HYDIN: variants seen among roughly 807,000 people sequenced by gnomAD.
The protein encoded by HYDIN is axonemal central pair apparatus protein HYDIN.
A neutral mutation model predicts 403.9 loss-of-function variants in HYDIN; 132 were observed. The observed-to-expected ratio is 0.33, with a 90% CI of 0.28 to 0.38. The LOEUF is 0.38. HYDIN is among the 10% of genes least tolerant of loss of function. The pLI, the probability that HYDIN is intolerant of heterozygous loss-of-function variation, is 1.00. For missense variants in HYDIN, 2,827 were observed against 5,009.5 expected, an observed-to-expected ratio of 0.56 and a Z score of 13.15; for synonymous variants, 1,202 against 1,891.7, an observed-to-expected ratio of 0.64 and a Z score of 9.46.
At chr16:71,227,145 G>A (rs1175562446) in intron 1 of HYDIN, among the ~76,000 whole-genome samples, 3 of 149,638 alleles carry the variant, frequency 2.0e-5, no homozygotes, top group African/African-American at 5.1e-5. Flanking sequence ...ATATATATGT[G>A]TATGTGTGTG....
chr16:71,052,854 AAGAC>A (rs1479425303), intron 18 of HYDIN, among the ~76,000 whole-genome samples: 1 of 147,910 alleles, frequency 6.8e-6, no homozygotes, highest in Non-Finnish European at 1.5e-5. Flanking sequence ...CTGAAAAAAA[AAGAC>A]AGTAAGAAAA....
intron 18 of HYDIN, among the ~76,000 whole-genome samples, chr16:71,041,915 T>C (rs1446041636): frequency 1.3e-5 from 2 of 152,214 alleles, no homozygotes; most frequent in Non-Finnish European, 2.9e-5. Context: ...ATTCCCACTT[T>C]GTTTCTTAGA....
intron 23 of HYDIN, among the ~76,000 whole-genome samples, chr16:71,000,817 G>A (rs1467696842): frequency 1.3e-5 from 2 of 152,106 alleles, no homozygotes; most frequent in Non-Finnish European, 2.9e-5. Flanking sequence ...GATGATGAAG[G>A]CCCTGGGAAG....
intron 18 of HYDIN, among the ~76,000 whole-genome samples, chr16:71,056,137 T>G (rs1263667995): frequency 6.7e-6 from 1 of 150,170 alleles, no homozygotes; most frequent in African/African-American, 2.4e-5. Context: ...GTTTTTTTTT[T>G]TTTTTTTTTT....
chr16:70,888,868 GTTA>G (rs1377184017), intron 58 of HYDIN, among the ~76,000 whole-genome samples: 1 of 152,306 alleles, frequency 6.6e-6, no homozygotes, highest in African/African-American at 2.4e-5. Context: ...TGGTAGAACA[GTTA>G]TTATATAGAA....
intron 5 of HYDIN, 138 bp downstream of exon 5, chr16:71,175,469 A>G: frequency 5.5e-6 from 5 of 912,526 alleles, no homozygotes; most frequent in East Asian, 2.5e-5. Flanking sequence ...CAACAACACA[A>G]ATGTCAATAC....
At chr16:70,910,760 T>TTTTA (rs1417607027) in intron 47 of HYDIN, among the ~76,000 whole-genome samples, 1 of 101,610 alleles carries the variant, frequency 9.8e-6, no homozygotes, top group Non-Finnish European at 2.0e-5. Context: ...CAGCTACTGT[T>TTTTA]TTTATTTATT....
At chr16:71,015,949 G>T (rs1292407457) in intron 23 of HYDIN, among the ~76,000 whole-genome samples, 1 of 151,914 alleles carries the variant, frequency 6.6e-6, no homozygotes, top group Admixed American at 6.6e-5. Context: ...ATAATTATGT[G>T]TATGTCTATA....
intron 19 of HYDIN, among the ~76,000 whole-genome samples, chr16:71,029,898 A>G (rs2080843185): frequency 1.3e-5 from 2 of 152,140 alleles, no homozygotes; most frequent in Non-Finnish European, 2.9e-5. Flanking sequence ...GGCAGGGGGA[A>G]TACCTTCTGA....
At chr16:71,036,841 T>C (rs1597608899) in intron 18 of HYDIN, among the ~76,000 whole-genome samples, 1 of 152,166 alleles carries the variant, frequency 6.6e-6, no homozygotes, top group Admixed American at 6.5e-5. Flanking sequence ...TCTTTGGTGG[T>C]TGACTTTTAG....
intron 25 of HYDIN, among the ~76,000 whole-genome samples, chr16:70,988,886 T>TGTAA (rs2079257246): frequency 6.7e-6 from 1 of 150,340 alleles, no homozygotes; most frequent in Non-Finnish European, 1.5e-5. Context: ...GGTGTGTGTG[T>TGTAA]GTAAATTCCT....
At chr16:71,081,780 A>G (rs1009018297) in intron 12 of HYDIN, among the ~76,000 whole-genome samples, 2 of 151,284 alleles carry the variant, frequency 1.3e-5, no homozygotes, top group Non-Finnish European at 2.9e-5. Context: ...TGTTAAAACT[A>G]TAATTTGAAA....
chr16:71,060,267 T>C (rs2082036319), intron 18 of HYDIN, among the ~76,000 whole-genome samples: 1 of 152,194 alleles, frequency 6.6e-6, no homozygotes, highest in Non-Finnish European at 1.5e-5. Flanking sequence ...AAAAGTATTA[T>C]AATAGACATC....
At chr16:70,994,212 T>C (rs2079451878) in intron 23 of HYDIN, among the ~76,000 whole-genome samples, 1 of 151,828 alleles carries the variant, frequency 6.6e-6, no homozygotes, top group Non-Finnish European at 1.5e-5. Context: ...CAGGGTCTTA[T>C]ACATGCAGCC....
At chr16:70,904,531 G>GTTTTTTTTTTTTTTTTT (rs1567802705) in intron 50 of HYDIN, among the ~76,000 whole-genome samples, 1 of 22,746 alleles carries the variant, frequency 4.4e-5, no homozygotes, top group Non-Finnish European at 8.0e-5. Context: ...AGGGAGTTTC[G>GTTTTTTTTTTTTTTTTT]TTCTTGTTGC....
chr16:70,951,281 G>A (rs7199620), intron 41 of HYDIN, among the ~76,000 whole-genome samples: 2,649 of 95,848 alleles, frequency 0.028, 113 homozygotes, highest in African/African-American at 0.08. Context: ...AGAGAGAGAG[G>A]GAGAGAGGGA....
At chr16:70,984,380 G>GTCT (rs746661841) in intron 28 of HYDIN, among the ~76,000 whole-genome samples, 136 of 137,826 alleles carry the variant, frequency 9.9e-4, no homozygotes, top group Non-Finnish European at 1.8e-3. Flanking sequence ...GCCAGACATG[G>GTCT]TCTTAAAAAA....
chr16:71,141,353 A>G (rs955270563), intron 7 of HYDIN, among the ~76,000 whole-genome samples: 3 of 151,788 alleles, frequency 2.0e-5, no homozygotes, highest in Non-Finnish European at 2.9e-5. Flanking sequence ...TAAATGTTCA[A>G]TATGAAGCCA....
intron 1 of HYDIN, among the ~76,000 whole-genome samples, chr16:71,198,563 C>T (rs537937862): frequency 4.6e-5 from 7 of 152,046 alleles, no homozygotes; most frequent in African/African-American, 7.2e-5. Context: ...ACTAGCCCCC[C>T]GCCAGAACAG....
Sources: allele counts gnomAD v4.1 joint callset (sites outside exome capture counted in the v4.1 genomes callset), GRCh38; gene constraint gnomAD v4.1.1; transcripts MANE v1.5; gene names NCBI Gene and HGNC (gene_info 2026-07-23, HGNC 2026-07-21).